Variants in PCDH11X observed in about 807,000 individuals in gnomAD.
PCDH11X encodes the protein protocadherin 11 X-linked, also known as protocadherin-11 X-linked.
A neutral mutation model predicts 53.3 loss-of-function variants in PCDH11X; 18 were observed. The ratio of observed to expected loss-of-function variants is 0.34; its 90% confidence interval spans 0.23 to 0.50. The LOEUF is 0.50. Ranked by LOEUF, PCDH11X falls within the 20% of genes least tolerant of loss-of-function variation. The probability of loss-of-function intolerance (pLI) is 0.98; values close to 1 mark genes in which losing one functional copy is unlikely to be tolerated. For synonymous variants in PCDH11X, 279 were observed against 393.3 expected (o/e 0.71, Z 3.44); for missense variants, 570 against 1,032.4 (o/e 0.55, Z 6.14).
rs56939635 is a variant in PCDH11X, at chrX:92,212,006, C to CTTTTTT, written c.3114+10566_3114+10571dup. Among the ~76,000 whole-genome samples, 44 of 64,567 alleles carry CTTTTTT rather than the reference C, an allele frequency of 6.8e-4. 1 individual carries two copies. Among genetic ancestry groups the CTTTTTT allele is most frequent in the African/African-American group, 2.0e-3 (31 of 15,539 alleles). The allele number at this position is 64,567 out of a possible 115,157, so 56.1% of individuals were successfully genotyped here. ...CTATGTGGTGGGGCCACTTGCAATG[C>CTTTTTT]TTTTTTTTTTTTTTTTTTTTCCTGA... On this transcript the variant is annotated intron_variant, in intron 7 of 10. Coordinates refer to ENST00000682573, the MANE Select transcript of PCDH11X (RefSeq NM_032968.5).
At chrX:91,845,769 A>G (rs1261166381) in intron 5 of PCDH11X, among the ~76,000 whole-genome samples, 1 of 110,999 alleles carries the variant, frequency 9.0e-6, no homozygotes, top group African/African-American at 3.3e-5. Flanking sequence ...AAGATCAATT[A>G]CCTAACTGCT....
intron 8 of PCDH11X, among the ~76,000 whole-genome samples, chrX:92,324,878 C>T (rs938275870): frequency 2.0e-4 from 20 of 101,839 alleles, no homozygotes; most frequent in African/African-American, 5.4e-4. Context: ...TTCTTTGTGT[C>T]TATATGTACT....
In PCDH11X at chrX:92,265,090, G is replaced by C. The variant is rs185994467; in HGVS notation, c.3144+1947G>C. 1.5e-3 allele frequency among the ~76,000 whole-genome samples: 164 copies of C among 109,236 alleles called. 1 individual carries two copies. Among genetic ancestry groups the C allele is most frequent in the African/African-American group, 5.1e-3 (154 of 30,065 alleles). 94.9% of individuals were successfully genotyped at this position (109,236 alleles called of 115,157 possible). ...GAATCTTTTTTGGAGGTAGGGGATG[G>C]GGTCTCGCTCTGTTGCTCAGGCTGG... is the stretch of plus-strand genomic sequence containing the variant. On this transcript the variant is annotated intron_variant, in intron 8 of 10. Coordinates refer to ENST00000682573, the MANE Select transcript of PCDH11X (RefSeq NM_032968.5).
intron 6 of PCDH11X, among the ~76,000 whole-genome samples, chrX:92,016,405 T>G: frequency 9.2e-6 from 1 of 109,242 alleles, no homozygotes; most frequent in Middle Eastern, 4.6e-3. Flanking sequence ...TAGCATCTTC[T>G]TCCTATATAA....
At chrX:92,128,003 G>A (rs1337576486) in intron 6 of PCDH11X, among the ~76,000 whole-genome samples, 2 of 111,961 alleles carry the variant, frequency 1.8e-5, no homozygotes, top group African/African-American at 6.5e-5. Context: ...CTCAGAAGCA[G>A]ACATTTTGAT....
At chrX:92,602,024 T>C (rs777747939) in intron 10 of PCDH11X, among the ~76,000 whole-genome samples, 1 of 112,195 alleles carries the variant, frequency 8.9e-6, no homozygotes, top group South Asian at 3.7e-4. Context: ...GGGTTAGGCA[T>C]GTTAAGAAGA....
intron 1 of PCDH11X, among the ~76,000 whole-genome samples, chrX:91,801,499 T>C (rs1037529091): frequency 3.3e-4 from 37 of 111,738 alleles, no homozygotes; most frequent in Non-Finnish European, 6.8e-4. Flanking sequence ...TAGCCAAGCA[T>C]GATTTTCCAG....
At chrX:92,195,176 A>G (rs1178325257) in intron 6 of PCDH11X, among the ~76,000 whole-genome samples, 4 of 111,573 alleles carry the variant, frequency 3.6e-5, no homozygotes, top group Non-Finnish European at 5.6e-5. Context: ...GTACCAAACC[A>G]TCTGGCAAAT....
At chrX:92,616,835 A>G (rs1157956464) in intron 10 of PCDH11X, among the ~76,000 whole-genome samples, 1 of 111,219 alleles carries the variant, frequency 9.0e-6, no homozygotes, top group East Asian at 2.8e-4. Context: ...GGGACCACTG[A>G]CATCATAACA....
intron 7 of PCDH11X, among the ~76,000 whole-genome samples, chrX:92,256,044 C>T (rs2067573667): frequency 8.9e-6 from 1 of 112,383 alleles, no homozygotes; most frequent in Non-Finnish European, 1.9e-5. Context: ...TCGCTGCCGC[C>T]TTGCAGTTTG....
intron 6 of PCDH11X, among the ~76,000 whole-genome samples, chrX:92,148,070 CTTT>C (rs1295019543): frequency 2.7e-4 from 2 of 7,461 alleles, no homozygotes; most frequent in African/African-American, 1.4e-3. Flanking sequence ...TTCTTTCTTT[CTTT>C]CTTTCTTTCT....
chrX:92,132,088 A>G (rs2064982697), intron 6 of PCDH11X, among the ~76,000 whole-genome samples: 1 of 97,485 alleles, frequency 1.0e-5, no homozygotes, highest in Non-Finnish European at 2.0e-5. Flanking sequence ...CCTGGCCAAC[A>G]TGGTGAAACC....
At position 91,850,953 on chromosome X, in the gene PCDH11X, T is replaced by C. The variant is rs780758710; in HGVS notation, c.540+14909T>C. ...TGTCAAGAACTGCCACATCTTTTGA[T>C]ATTTGTGACAGCTATTTTAGGAGAA... is the stretch of plus-strand genomic sequence containing the variant. On this transcript the variant is annotated intron_variant, in intron 5 of 10. Transcript: ENST00000682573. Among the ~76,000 whole-genome samples the C allele has an allele frequency of 2.7e-5, 3 of 111,766 alleles. No homozygotes were observed. In the East Asian group the frequency reaches 8.4e-4, roughly 31 times the overall value.
intron 8 of PCDH11X, among the ~76,000 whole-genome samples, chrX:92,316,645 C>G (rs1165766576): frequency 1.8e-5 from 2 of 110,704 alleles, no homozygotes; most frequent in African/African-American, 6.5e-5. Context: ...GAAATGTTTT[C>G]TGTTATTGAC....
chrX:92,555,671 C>T (rs1176459952), intron 10 of PCDH11X, among the ~76,000 whole-genome samples: 2 of 111,496 alleles, frequency 1.8e-5, no homozygotes, highest in Admixed American at 1.9e-4. Flanking sequence ...CCTTATGAAA[C>T]AGCTGCTTGG....
At chrX:92,164,442 T>C in intron 6 of PCDH11X, among the ~76,000 whole-genome samples, 1 of 112,302 alleles carries the variant, frequency 8.9e-6, no homozygotes, top group Non-Finnish European at 1.9e-5. Flanking sequence ...TCTATTTTGT[T>C]GTATATTGTT....
intron 4 of PCDH11X, among the ~76,000 whole-genome samples, chrX:91,819,707 C>T (rs1172754701): frequency 5.0e-5 from 5 of 100,439 alleles, no homozygotes; most frequent in Admixed American, 1.1e-4. Flanking sequence ...TTTTAGGGTA[C>T]ATGTGCACAT....
chrX:92,066,554 C>A (rs2063610071), intron 6 of PCDH11X, among the ~76,000 whole-genome samples: 1 of 110,499 alleles, frequency 9.0e-6, no homozygotes, highest in Non-Finnish European at 1.9e-5. Flanking sequence ...TCCTTCACTT[C>A]TTTGGATAAG....
chrX:91,982,957 T>C, intron 6 of PCDH11X: 4 of 1,135,398 alleles, frequency 3.5e-6, no homozygotes, highest in South Asian at 1.8e-5. Flanking sequence ...TCATTCACAT[T>C]AGTGTGAAGT....
Sources: allele counts gnomAD v4.1 joint callset (sites outside exome capture counted in the v4.1 genomes callset), GRCh38; gene constraint gnomAD v4.1.1; transcripts MANE v1.5; gene names NCBI Gene and HGNC (gene_info 2026-07-23, HGNC 2026-07-21).